Variants in ZNF521 observed in about 807,000 individuals in gnomAD.
The protein encoded by ZNF521 is LYST-interacting protein 3.
ZNF521 carries 14 observed loss-of-function variants against 105.5 expected under a neutral mutation model. The observed-to-expected ratio is 0.13, with a 90% CI of 0.09 to 0.21. The LOEUF is 0.21. Among genes scored for constraint, ZNF521 ranks in the 10% least tolerant of loss-of-function variants. The pLI is 1.00. For synonymous variants in ZNF521, 635 were observed against 606.0 expected, an observed-to-expected ratio of 1.05 and a Z score of -0.70; for missense variants, 1,233 against 1,629.7, an observed-to-expected ratio of 0.76 and a Z score of 4.19.
intron 5 of ZNF521, among the ~76,000 whole-genome samples, chr18:25,159,965 C>A (rs3934903): frequency 0.44 from 67,063 of 151,900 alleles, 14,981 homozygotes; most frequent in South Asian, 0.58. Flanking sequence ...AAAATGCCAA[C>A]ATAAAATAAT....
At chr18:25,301,054 T>C (rs528231392) in intron 3 of ZNF521, among the ~76,000 whole-genome samples, 1 of 152,344 alleles carries the variant, frequency 6.6e-6, no homozygotes, top group South Asian at 2.1e-4. Context: ...CTTTTCCAAT[T>C]AGCAAATATG....
chr18:25,312,345 A>G (rs12454512), intron 3 of ZNF521, among the ~76,000 whole-genome samples: 96,152 of 151,908 alleles, frequency 0.63, 31,829 homozygotes, highest in African/African-American at 0.84. Context: ...CCATGTTTTG[A>G]TAGCGAATTT....
chr18:25,346,886 C>T (rs576693123), intron 2 of ZNF521, among the ~76,000 whole-genome samples: 21 of 152,238 alleles, frequency 1.4e-4, no homozygotes, highest in African/African-American at 4.8e-4. Context: ...ATCTAAATGA[C>T]TAAGTGCTCC....
At chr18:25,349,488 T>C (rs111389447) in intron 2 of ZNF521, among the ~76,000 whole-genome samples, 1 of 152,154 alleles carries the variant, frequency 6.6e-6, no homozygotes, top group Non-Finnish European at 1.5e-5. Flanking sequence ...AAGCAAGCGT[T>C]CCAATCTGCG....
chr18:25,317,975 CGA>C (rs1300700847), intron 3 of ZNF521, among the ~76,000 whole-genome samples: 4 of 151,866 alleles, frequency 2.6e-5, no homozygotes, highest in Non-Finnish European at 5.9e-5. Context: ...CTATTCCTAA[CGA>C]GAGAAATAAA....
chr18:25,314,176 G>A (rs545652096), intron 3 of ZNF521, among the ~76,000 whole-genome samples: 1 of 152,044 alleles, frequency 6.6e-6, no homozygotes, highest in Admixed American at 6.5e-5. Context: ...TTCAACTAAT[G>A]GTTTGATAAG....
chr18:25,316,759 G>T (rs145018798), intron 3 of ZNF521, among the ~76,000 whole-genome samples: 1 of 149,336 alleles, frequency 6.7e-6, no homozygotes, highest in East Asian at 2.0e-4. Flanking sequence ...CCTTCCCAAA[G>T]AAATAATCCT....
intron 5 of ZNF521, among the ~76,000 whole-genome samples, chr18:25,191,831 A>G (rs909944372): frequency 6.6e-6 from 1 of 152,144 alleles, no homozygotes; most frequent in Non-Finnish European, 1.5e-5. Flanking sequence ...ATTTTTGCTA[A>G]TCCATACCAA....
chr18:25,321,802 G>A (rs1269726901), intron 3 of ZNF521, among the ~76,000 whole-genome samples: 1 of 152,058 alleles, frequency 6.6e-6, no homozygotes, highest in Admixed American at 6.6e-5. Context: ...TGACATTTAG[G>A]TGCATTTCAA....
chr18:25,167,777 G>C (rs1270843776), intron 5 of ZNF521, among the ~76,000 whole-genome samples: 1 of 152,152 alleles, frequency 6.6e-6, no homozygotes, highest in Admixed American at 6.5e-5. Flanking sequence ...TCAAACTGGG[G>C]TGTCTGAACG....
At chr18:25,321,883 G>A (rs1255898308) in intron 3 of ZNF521, 125 bp downstream of exon 3, 5 of 931,294 alleles carry the variant, frequency 5.4e-6, no homozygotes, top group Non-Finnish European at 7.9e-6. Flanking sequence ...AGCACCTCTA[G>A]ACTTAGCTAG....
chr18:25,320,207 T>C lies in ZNF521; in HGVS notation c.220+1801A>G, dbSNP rs570550599. On this transcript the variant is annotated intron_variant, in intron 3 of 7. Coordinates refer to ENST00000361524, the MANE Select transcript of ZNF521 (RefSeq NM_015461.3). Reference sequence around the variant, plus strand: ...TTTTTTTTGAGACAGAGTTTCGTTCTTGTTGCCCAGGCTGGACTGCAATGG... The same window carrying C: ...TTTTTTTTGAGACAGAGTTTCGTTCCTGTTGCCCAGGCTGGACTGCAATGG... Among the ~76,000 whole-genome samples, 11 of 152,286 alleles carry C rather than the reference T, an allele frequency of 7.2e-5. No individual in the cohort carries two copies. In the South Asian group the frequency reaches 2.3e-3, roughly 32 times the overall value.
chr18:25,133,219 A>G (rs1159852943), intron 5 of ZNF521, among the ~76,000 whole-genome samples: 3 of 152,198 alleles, frequency 2.0e-5, no homozygotes, highest in Non-Finnish European at 4.4e-5. Context: ...ATCCTAATCT[A>G]GATGAATGTA....
chr18:25,221,288 C>G (rs1267999380), intron 4 of ZNF521, among the ~76,000 whole-genome samples: 1 of 152,160 alleles, frequency 6.6e-6, no homozygotes, highest in Non-Finnish European at 1.5e-5. Flanking sequence ...GTGTTGCATG[C>G]CTTGTCTTTC....
chr18:25,099,035 A>T (rs1243343932), intron 5 of ZNF521, among the ~76,000 whole-genome samples: 1 of 152,158 alleles, frequency 6.6e-6, no homozygotes, highest in African/African-American at 2.4e-5. Context: ...TCTCAATGCC[A>T]TAAGAGTGTT....
intron 4 of ZNF521, among the ~76,000 whole-genome samples, chr18:25,215,836 C>T (rs1037639997): frequency 6.6e-6 from 1 of 152,128 alleles, no homozygotes; most frequent in African/African-American, 2.4e-5. Flanking sequence ...CATTCCAACC[C>T]ATGGTACTGG....
intron 3 of ZNF521, among the ~76,000 whole-genome samples, chr18:25,249,525 G>A (rs140387459): frequency 6.7e-6 from 1 of 149,778 alleles, no homozygotes; most frequent in Admixed American, 6.7e-5. Flanking sequence ...GCAGTGGCAC[G>A]ATCTTGGCTC....
chr18:25,068,559 T>A (rs2033133558), intron 7 of ZNF521, among the ~76,000 whole-genome samples: 2 of 152,136 alleles, frequency 1.3e-5, no homozygotes, highest in Admixed American at 6.5e-5. Flanking sequence ...GGATAATAAG[T>A]CTTTTGACCT....
At position 25,227,527 on chromosome 18, in the gene ZNF521, T is replaced by G; in HGVS notation, c.391A>C (p.Ser131Arg). 1 of 1,614,166 alleles carries G rather than the reference T, an allele frequency of 6.2e-7. No individual in the cohort carries two copies. The highest frequency in any genetic ancestry group is 8.5e-7 in the Non-Finnish European group (1 of 1,180,022). The change falls in exon 4 of 8, where the codon AGC (serine) becomes CGC (arginine). Residue 131 changes from serine (S) to arginine (R), a missense_variant. By Grantham distance (110) the Ser-to-Arg change is moderately radical. Coordinates refer to ENST00000361524, the MANE Select transcript of ZNF521 (RefSeq NM_015461.3). The surrounding 1 kb of genome is among the most constrained non-coding windows in gnomAD (Gnocchi z 5.7). ...CTCTGCTCATGGTGCTTTAGGTAGC[T>G]GAGGCGGCTAAACGACTTGTCACAG... ...QFCDKSFSRL[S>R]YLKHHEQSHS...
Sources: allele counts gnomAD v4.1 joint callset (sites outside exome capture counted in the v4.1 genomes callset), GRCh38; gene constraint gnomAD v4.1.1; non-coding constraint Gnocchi (gnomAD v3.1); transcripts MANE v1.5; gene names NCBI Gene and HGNC (gene_info 2026-07-23, HGNC 2026-07-21).